Variants in VRTN observed in about 807,000 individuals in gnomAD.
The protein encoded by VRTN is vertnin.
VRTN carries 5 observed loss-of-function variants against 18.2 expected under a neutral mutation model. The ratio of observed to expected loss-of-function variants is 0.27; its 90% CI spans 0.14 to 0.58. VRTN has a LOEUF of 0.58. Ranked by LOEUF, VRTN falls within the 20% of genes least tolerant of loss-of-function variation. The probability of loss-of-function intolerance (pLI) is 0.91; values close to 1 mark genes in which losing one functional copy is unlikely to be tolerated. For synonymous variants in VRTN, 381 were observed against 393.7 expected, an observed-to-expected ratio of 0.97 and a Z score of 0.38; for missense variants, 741 against 939.4, an observed-to-expected ratio of 0.79 and a Z score of 2.76.
rs1445978951 is a variant in VRTN, at chr14:74,359,090, G to A, written c.*198G>A. 3 of 1,012,036 alleles carry A rather than the reference G, an allele frequency of 3.0e-6. No homozygotes were observed. Among genetic ancestry groups the A allele is most frequent in the Non-Finnish European group, 4.0e-6 (3 of 741,764 alleles). The allele number at this position is 1,012,036 out of a possible 1,614,324, so 62.7% of individuals were successfully genotyped here. A position where few individuals can be genotyped will look rare whatever the true frequency, so the allele number is the denominator to read the frequency against. On this transcript the variant is annotated 3_prime_UTR_variant, in exon 2 of 2. Coordinates refer to ENST00000256362, the MANE Select transcript of VRTN (RefSeq NM_018228.3). ...AAATCAGCCATCTGGTCTCCCGTAG[G>A]AAACTGTGGGACCAGAGATATCCTC...
Position 74,352,004 on chromosome 14 carries a change from C to A in VRTN, c.-2+3352C>A, listed in dbSNP as rs189092882. ...GACTACAGGCGCGGGCCACCATGCCCAGCTAATTATTTTTTTTTTGTATTT... is the reference window on the plus strand; with the variant it reads ...GACTACAGGCGCGGGCCACCATGCCAAGCTAATTATTTTTTTTTTGTATTT... On this transcript the variant is annotated intron_variant, in intron 1 of 1. Coordinates refer to ENST00000256362, the MANE Select transcript of VRTN (RefSeq NM_018228.3). Among the ~76,000 whole-genome samples, 162 of 149,574 alleles carry A rather than the reference C, an allele frequency of 1.1e-3. 1 individual carries two copies. Among genetic ancestry groups the A allele is most frequent in the African/African-American group, 3.8e-3 (154 of 40,610 alleles).
chr14:74,340,034 C>T (rs968942387), intron 2 of VRTN, among the ~76,000 whole-genome samples: 9 of 151,512 alleles, frequency 5.9e-5, no homozygotes, highest in Non-Finnish European at 1.2e-4. Context: ...CTCCTGGGTT[C>T]AAGCAATTCT....
At position 74,359,860 on chromosome 14, in the gene VRTN, A is replaced by G. The variant is rs188848423; in HGVS notation, c.*968A>G. On this transcript the variant is annotated 3_prime_UTR_variant, in exon 2 of 2. Coordinates refer to ENST00000256362, the MANE Select transcript of VRTN (RefSeq NM_018228.3). Reference sequence around the variant, plus strand: ...CGGCCAGCCTGGCTGTCAGTTGGGGATTCCACCTTTCTGCTGAGCGTCTTC... The same window carrying G: ...CGGCCAGCCTGGCTGTCAGTTGGGGGTTCCACCTTTCTGCTGAGCGTCTTC... 7.1e-4 allele frequency: 118 copies of G among 167,142 alleles called. 1 individual carries two copies. The East Asian group carries it at 0.017, about 24-fold the overall frequency. The allele number at this position is 167,142 out of a possible 1,614,324, so 10.4% of individuals were successfully genotyped here.
At chr14:74,346,801 A>C (rs2085647310), upstream of VRTN, among the ~76,000 whole-genome samples, 1 of 152,134 alleles carries the variant, frequency 6.6e-6, no homozygotes, top group Admixed American at 6.5e-5. Context: ...AAGCCAACAA[A>C]CCTTTTTGTT....
rs569133060 is a variant in VRTN, at chr14:74,322,140, C to T, written c.-163-15583C>T. 8.8e-4 allele frequency among the ~76,000 whole-genome samples: 132 copies of T among 150,480 alleles called. 1 individual carries two copies. The highest frequency in any genetic ancestry group is 1.3e-3 in the Non-Finnish European group (90 of 67,874). On this transcript the variant is annotated intron_variant, in intron 1 of 2. Coordinates refer to the VRTN transcript ENST00000557177. ...GGATTACAGGCGTGAGCCACCGTGC[C>T]CGGCTCCCCATATTTTTTTTTTTTT...
At chr14:74,308,735 C>T (rs531711500) in intron 1 of VRTN, among the ~76,000 whole-genome samples, 4 of 152,238 alleles carry the variant, frequency 2.6e-5, no homozygotes, top group East Asian at 3.9e-4. Flanking sequence ...AAGCTACTCT[C>T]GAACTCCTAA....
chr14:74,307,137 CTTTTTTTTTTT>C (rs56345315), intron 1 of VRTN, among the ~76,000 whole-genome samples: 1 of 87,744 alleles, frequency 1.1e-5, no homozygotes, highest in Non-Finnish European at 2.1e-5. Context: ...TGTTGTGGCC[CTTTTTTTTTTT>C]TTTTTTTTTT....
intron 2 of VRTN, among the ~76,000 whole-genome samples, chr14:74,343,299 G>A (rs2085620383): frequency 6.6e-6 from 1 of 152,014 alleles, no homozygotes; most frequent in Non-Finnish European, 1.5e-5. Context: ...GCTGATTTTT[G>A]TAGTTTTAGT....
intron 1 of VRTN, among the ~76,000 whole-genome samples, chr14:74,330,211 A>G (rs1267499330): frequency 6.6e-6 from 1 of 151,860 alleles, no homozygotes; most frequent in Non-Finnish European, 1.5e-5. Context: ...GGTGTTTCCC[A>G]TGGGCAGCCA....
chr14:74,347,425 G>A (rs2085650641), upstream of VRTN, among the ~76,000 whole-genome samples: 2 of 152,206 alleles, frequency 1.3e-5, no homozygotes, highest in Non-Finnish European at 2.9e-5. Flanking sequence ...TTTTGTGAAG[G>A]ATTTTTGCTT....
chr14:74,320,550 CTG>C (rs1472540361), intron 1 of VRTN, among the ~76,000 whole-genome samples: 6 of 127,446 alleles, frequency 4.7e-5, no homozygotes, highest in South Asian at 2.6e-4. Context: ...ACTTGAGCCA[CTG>C]CGCCCGGCCT....
At chr14:74,340,190 G>A (rs780754513) in intron 2 of VRTN, among the ~76,000 whole-genome samples, 13 of 146,224 alleles carry the variant, frequency 8.9e-5, no homozygotes, top group Non-Finnish European at 1.3e-4. Context: ...TCAGCTCACC[G>A]CAACCTCCGC....
chr14:74,312,754 G>GT (rs57025624), intron 1 of VRTN, among the ~76,000 whole-genome samples: 66,436 of 130,292 alleles, frequency 0.51, 17,468 homozygotes, highest in East Asian at 0.82. Flanking sequence ...CCTGGCCTGT[G>GT]TTTTTTTTTT....
intron 1 of VRTN, among the ~76,000 whole-genome samples, chr14:74,304,848 C>CA (rs2085323994): frequency 1.3e-5 from 2 of 151,850 alleles, no homozygotes; most frequent in Admixed American, 1.3e-4. Flanking sequence ...TTTTGAAAAC[C>CA]AAAAAAATAG....
upstream of VRTN, among the ~76,000 whole-genome samples, chr14:74,344,997 G>GA (rs368028784): frequency 8.6e-4 from 131 of 152,218 alleles, no homozygotes; most frequent in African/African-American, 2.9e-3. Flanking sequence ...CTGTAGTAGA[G>GA]AAAAGAGCTG....
chr14:74,332,447 C>T (rs571843471), intron 1 of VRTN, among the ~76,000 whole-genome samples: 8 of 144,432 alleles, frequency 5.5e-5, no homozygotes, highest in South Asian at 4.5e-4. Flanking sequence ...TTCCGCCTCC[C>T]GGGTTCAAGC....
At chr14:74,353,825 C>T (rs1227494453) in intron 1 of VRTN, among the ~76,000 whole-genome samples, 6 of 152,204 alleles carry the variant, frequency 3.9e-5, no homozygotes, top group African/African-American at 1.2e-4. Context: ...CGGGTTCACG[C>T]CATTCTCCTG....
intron 1 of VRTN, among the ~76,000 whole-genome samples, chr14:74,355,468 C>G (rs1175456817): frequency 6.6e-6 from 1 of 152,098 alleles, no homozygotes; most frequent in Admixed American, 6.6e-5. Context: ...TGATTACACC[C>G]AGTATTGAAA....
upstream of VRTN, among the ~76,000 whole-genome samples, chr14:74,346,436 C>T (rs1426706324): frequency 1.3e-5 from 2 of 151,932 alleles, no homozygotes; most frequent in African/African-American, 2.4e-5. Flanking sequence ...GACAGGATCT[C>T]ACTCTGTCAC....
Sources: allele counts gnomAD v4.1 joint callset (sites outside exome capture counted in the v4.1 genomes callset), GRCh38; gene constraint gnomAD v4.1.1; transcripts MANE v1.5; gene names NCBI Gene and HGNC (gene_info 2026-07-23, HGNC 2026-07-21).